ZNF710: variants seen among roughly 807,000 people sequenced by gnomAD.
ZNF710 encodes the protein zinc finger protein 710.
A neutral mutation model predicts 50.6 loss-of-function variants in ZNF710; 13 were observed. That is an observed-to-expected ratio of 0.26 (90% CI 0.17 to 0.41). The LOEUF is 0.41. Ranked by LOEUF, ZNF710 falls within the 10% of genes least tolerant of loss-of-function variation. ZNF710 has a pLI of 1.00. For missense variants in ZNF710, 721 were observed against 936.6 expected (o/e 0.77, Z 3.01); for synonymous variants, 383 against 397.0 (o/e 0.96, Z 0.42).
rs148892523 is a variant in ZNF710, at chr15:90,010,867, C to T, written c.-29+9253C>T. The stretch of plus-strand genomic sequence containing the variant: ...CTGGGCTCAAGTAATTCTCTCTCCT[C>T]AGCCTCTTGAGTAGTTGGCCTTGAA... On this transcript the variant is annotated intron_variant, in intron 1 of 4. Coordinates refer to ENST00000268154, the MANE Select transcript of ZNF710 (RefSeq NM_198526.4). Among the ~76,000 whole-genome samples, 942 of 151,740 alleles carry T rather than the reference C, an allele frequency of 6.2e-3. 9 individuals are homozygous for T. Among genetic ancestry groups the T allele is most frequent in the Non-Finnish European group, 5.3e-3 (358 of 67,974 alleles).
chr15:90,030,329 C>CAAAAAAAAAAAAAAAAAA (rs10685083), intron 1 of ZNF710, among the ~76,000 whole-genome samples: 2 of 50,510 alleles, frequency 4.0e-5, no homozygotes, highest in Non-Finnish European at 7.1e-5. Flanking sequence ...AACTCCATCT[C>CAAAAAAAAAAAAAAAAAA]AAAAAAAAAA....
rs1899939269 is a variant in ZNF710 at position 90,059,622 on chromosome 15, T to G, written c.-28-7488T>G. ...TCGCAGGAGGAAGAGACTCTCGAAC[T>G]TCCCCTGCCCCTCCCCCGTGCCGGC... is the stretch of plus-strand genomic sequence containing the variant. On this transcript the variant is annotated intron_variant, in intron 1 of 4. Coordinates refer to ENST00000268154, the MANE Select transcript of ZNF710 (RefSeq NM_198526.4). This position sits in a 1 kb window ranked among gnomAD's most constrained non-coding sequence, Gnocchi z 4.1. Among the ~76,000 whole-genome samples the G allele has an allele frequency of 6.6e-6, 1 of 152,132 alleles. No homozygotes were observed. The highest frequency in any genetic ancestry group is 2.4e-5 in the African/African-American group (1 of 41,426).
rs11285838 is a variant in ZNF710 at position 90,019,187 on chromosome 15, C to CTTTTTTTTTTTT, written c.-29+17584_-29+17595dup. Among the ~76,000 whole-genome samples the CTTTTTTTTTTTT allele has an allele frequency of 2.7e-3, 243 of 89,376 alleles. 1 individual carries two copies. Among genetic ancestry groups the CTTTTTTTTTTTT allele is most frequent in the Middle Eastern group, 0.011 (1 of 88 alleles). The allele number at this position is 89,376 out of a possible 152,430, so 58.6% of individuals were successfully genotyped here. A position where few individuals can be genotyped will look rare whatever the true frequency, so the allele number is the denominator to read the frequency against. ...TGTACCATCTTATTACTTTTTCTTT[C>CTTTTTTTTTTTT]TTTTTTTTTTTTTTTTTTTTTTGCT... On this transcript the variant is annotated intron_variant, in intron 1 of 4. Coordinates refer to ENST00000268154, the MANE Select transcript of ZNF710 (RefSeq NM_198526.4).
At chr15:90,066,244 C>T (rs1049265673) in intron 1 of ZNF710, among the ~76,000 whole-genome samples, 2 of 152,016 alleles carry the variant, frequency 1.3e-5, no homozygotes, top group African/African-American at 4.8e-5. Context: ...GTGTTTCTGC[C>T]ATACGTTCTC....
chr15:90,042,805 G>T (rs1344027903), intron 1 of ZNF710, among the ~76,000 whole-genome samples: 1 of 152,220 alleles, frequency 6.6e-6, no homozygotes, highest in Admixed American at 6.5e-5. Context: ...GCCCAACCAG[G>T]AAGGACAGGA....
chr15:90,063,581 C>T (rs909666251), intron 1 of ZNF710, among the ~76,000 whole-genome samples: 16 of 152,118 alleles, frequency 1.1e-4, no homozygotes, highest in South Asian at 2.1e-4. Flanking sequence ...CTGACACAGA[C>T]GCACCTTCTC....
chr15:90,060,733 G>A (rs371341513), intron 1 of ZNF710, among the ~76,000 whole-genome samples: 6 of 150,758 alleles, frequency 4.0e-5, no homozygotes, highest in Admixed American at 6.6e-5. Flanking sequence ...GTGGGCGCCT[G>A]TAATCCCAGC....
At chr15:90,052,592 G>C (rs1899679610) in intron 1 of ZNF710, among the ~76,000 whole-genome samples, 2 of 152,174 alleles carry the variant, frequency 1.3e-5, no homozygotes, top group Non-Finnish European at 2.9e-5. Context: ...ACAAATCACA[G>C]CTTCTCTAAG....
chr15:90,071,678 TC>T (rs140018028), intron 2 of ZNF710, among the ~76,000 whole-genome samples: 32,655 of 127,294 alleles, frequency 0.26, 4,457 homozygotes, highest in East Asian at 0.57. Context: ...TTATTTTTAC[TC>T]TTTTTTTTTT....
At chr15:90,016,148 A>C (rs1898449987) in intron 1 of ZNF710, among the ~76,000 whole-genome samples, 1 of 152,096 alleles carries the variant, frequency 6.6e-6, no homozygotes, top group Non-Finnish European at 1.5e-5. Context: ...CATACTACCT[A>C]ATAATTTTTT....
chr15:90,001,020 G>T (rs1260721307), upstream of ZNF710, among the ~76,000 whole-genome samples: 1 of 151,540 alleles, frequency 6.6e-6, no homozygotes, highest in Non-Finnish European at 1.5e-5. Context: ...AGAAAGAAAA[G>T]AAGGAAAAAA....
rs758663538 is a variant in ZNF710 at position 90,013,409 on chromosome 15, G to A, written c.-29+11795G>A. ...TGACCACTGTGCCTGGCCAGGTGTT[G>A]TGTGATTTTTGATTGCAAGCTTATG... On this transcript the variant is annotated intron_variant, in intron 1 of 4. Transcript: ENST00000268154. Among the ~76,000 whole-genome samples, 4 of 152,182 alleles carry A rather than the reference G, an allele frequency of 2.6e-5. No individual in the cohort carries two copies. In the South Asian group the frequency reaches 8.3e-4, roughly 31 times the overall value.
intron 1 of ZNF710, among the ~76,000 whole-genome samples, chr15:90,052,690 G>T (rs754871787): frequency 1.4e-4 from 21 of 152,172 alleles, no homozygotes; most frequent in Non-Finnish European, 2.9e-5. Context: ...CAGCACTTTG[G>T]GAGGCCGAGG....
chr15:90,068,521 C>A lies in ZNF710; in HGVS notation c.1384C>A (p.Pro462Thr). ...NHMLKHQNVR[P>T]FVCTECGMEF... Reference sequence around the variant, plus strand: ...CATGCTCAAGCACCAGAACGTGCGACCCTTCGTGTGCACTGAATGCGGCAT... The same window carrying A: ...CATGCTCAAGCACCAGAACGTGCGAACCTTCGTGTGCACTGAATGCGGCAT... The change falls in exon 2 of 5, where the codon CCC (proline) becomes ACC (threonine). Residue 462 changes from proline (P) to threonine (T), a missense_variant. Transcript: ENST00000268154. This position sits in a 1 kb window ranked among gnomAD's most constrained non-coding sequence, Gnocchi z 5.0. The A allele has an allele frequency of 1.2e-6, 2 of 1,613,186 alleles. No homozygotes were observed. The highest frequency in any genetic ancestry group is 1.7e-6 in the Non-Finnish European group (2 of 1,180,030).
intron 1 of ZNF710, among the ~76,000 whole-genome samples, chr15:90,044,379 C>A (rs1278920604): frequency 6.6e-6 from 1 of 152,200 alleles, no homozygotes; most frequent in Non-Finnish European, 1.5e-5. Flanking sequence ...CCATTCCCTG[C>A]CAAGGCGGGG....
chr15:90,076,912 G>T (rs959582680), intron 4 of ZNF710, among the ~76,000 whole-genome samples: 1 of 152,068 alleles, frequency 6.6e-6, no homozygotes, highest in Non-Finnish European at 1.5e-5. Flanking sequence ...CAGTCACCAG[G>T]GATGCTTAGA....
intron 1 of ZNF710, among the ~76,000 whole-genome samples, chr15:90,056,611 G>T (rs1194979055): frequency 6.6e-6 from 1 of 152,178 alleles, no homozygotes; most frequent in Non-Finnish European, 1.5e-5. Flanking sequence ...CCTGCCATGG[G>T]AGAGCCAAGC....
intron 2 of ZNF710, among the ~76,000 whole-genome samples, chr15:90,069,159 C>T (rs753037975): frequency 6.9e-6 from 1 of 144,706 alleles, no homozygotes; most frequent in East Asian, 2.0e-4. Context: ...ACCCGGGAGG[C>T]AGAGGTTGCA....
At position 90,067,623 on chromosome 15, in the gene ZNF710, C is replaced by T. The variant is rs754291336; in HGVS notation, c.486C>T (p.Ser162=). The T allele has an allele frequency of 1.2e-6, 2 of 1,611,462 alleles. No individual in the cohort carries two copies. The highest frequency in any genetic ancestry group is 1.7e-6 in the Non-Finnish European group (2 of 1,179,152). The part of the protein sequence containing the change: ...QSSAVKMIDL[S]AFSRKPRTLR... ...GCGCCGTCAAGATGATCGACCTCAG[C>T]GCCTTCAGCCGCAAGCCCCGGACGC... The change falls in exon 2 of 5, where the codon AGC becomes AGT. Residue 162 remains serine, a synonymous_variant. Coordinates refer to ENST00000268154, the MANE Select transcript of ZNF710 (RefSeq NM_198526.4). This position sits in a 1 kb window ranked among gnomAD's most constrained non-coding sequence, Gnocchi z 8.1.
Sources: gnomAD v4.1 joint callset for allele counts (sites outside exome capture counted in the v4.1 genomes callset) on GRCh38, gnomAD v4.1.1 for gene constraint, Gnocchi (gnomAD v3.1) non-coding constraint, MANE v1.5 for transcripts, NCBI Gene and HGNC (gene_info 2026-07-23, HGNC 2026-07-21) for gene names.